The following GREB1L variants were observed in gnomAD, a reference collection of about 807,000 sequenced individuals.
The protein encoded by GREB1L is GREB1 like retinoic acid receptor coactivator.
A neutral mutation model predicts 200.8 loss-of-function variants in GREB1L; 17 were observed. That is an observed-to-expected ratio of 0.08 (90% confidence interval 0.06 to 0.13). The LOEUF is 0.13. Among genes scored for constraint, GREB1L ranks in the 10% least tolerant of loss-of-function variants. The pLI is 1.00. For missense variants in GREB1L, 1,657 were observed against 2,367.7 expected (o/e 0.70, Z 6.23); for synonymous variants, 789 against 893.0 (o/e 0.88, Z 2.08).
At chr18:21,265,774 C>T (rs1233465849) in intron 1 of GREB1L, among the ~76,000 whole-genome samples, 2 of 151,812 alleles carry the variant, frequency 1.3e-5, no homozygotes, top group Non-Finnish European at 2.9e-5. Context: ...TTTTTATGGG[C>T]TTATCAAACA....
At chr18:21,343,730 ATTTTT>A (rs36120644) in intron 1 of GREB1L, among the ~76,000 whole-genome samples, 1 of 114,950 alleles carries the variant, frequency 8.7e-6, no homozygotes, top group African/African-American at 3.4e-5. Flanking sequence ...GAGAAGAGAG[ATTTTT>A]TTTTTTTTTT....
chr18:21,406,164 G>A (rs933060706), intron 7 of GREB1L, among the ~76,000 whole-genome samples: 1 of 151,950 alleles, frequency 6.6e-6, no homozygotes, highest in African/African-American at 2.4e-5. Context: ...ATATTAAAAT[G>A]TTAATAAGAA....
At chr18:21,271,016 C>T (rs1210548646) in intron 1 of GREB1L, among the ~76,000 whole-genome samples, 1 of 152,162 alleles carries the variant, frequency 6.6e-6, no homozygotes, top group Non-Finnish European at 1.5e-5. Flanking sequence ...GATTTGAATC[C>T]AGGCAGCCTG....
rs754826312 is a variant in GREB1L, at chr18:21,384,299, A to G, written c.251A>G (p.Asn84Ser). 5 of 1,551,284 alleles carry G rather than the reference A, an allele frequency of 3.2e-6. No individual in the cohort carries two copies. Among genetic ancestry groups the G allele is most frequent in the Middle Eastern group, 1.7e-4 (1 of 5,990 alleles). Reference sequence around the variant, plus strand: ...GATTTTTCTAACAATCTAACAGTTAATGAAATGGAAGATGATGAAGACGAT... The same window carrying G: ...GATTTTTCTAACAATCTAACAGTTAGTGAAATGGAAGATGATGAAGACGAT... ...SLDFSNNLTV[N>S]EMEDDEDDEE... Residue 84 changes from asparagine (N) to serine (S), a missense_variant, in exon 4 of 33, where the codon AAT becomes AGT. Physicochemically the swap from Asn to Ser is conservative, Grantham distance 46. This residue lies in a region of GREB1L where 121 missense variants were observed against 126.6 expected (regional missense o/e 0.96). Coordinates refer to ENST00000424526, the MANE Select transcript of GREB1L (RefSeq NM_001142966.3).
intron 1 of GREB1L, among the ~76,000 whole-genome samples, chr18:21,242,861 A>T (rs1332505862): frequency 1.3e-5 from 2 of 152,032 alleles, no homozygotes; most frequent in Non-Finnish European, 1.5e-5. Flanking sequence ...GGTGCCGGGC[A>T]GGCGGGCGGG....
At chr18:21,284,574 A>G (rs2038323318) in intron 1 of GREB1L, among the ~76,000 whole-genome samples, 1 of 152,190 alleles carries the variant, frequency 6.6e-6, no homozygotes, top group African/African-American at 2.4e-5. Flanking sequence ...ATCAGTTGAT[A>G]GACATTTGGG....
In GREB1L at chr18:21,473,190, A is replaced by G. The variant is rs1218909911; in HGVS notation, c.2342A>G (p.Asn781Ser). The G allele has an allele frequency of 5.2e-6, 8 of 1,535,210 alleles. No homozygotes were observed. Among genetic ancestry groups the G allele is most frequent in the Non-Finnish European group, 7.0e-6 (8 of 1,138,430 alleles). Reference sequence around the variant, plus strand: ...ACACTGTTTGTGCTAGTTCATGACAACTCCCATGTGGAACTAACGAGGTGA... The same window carrying G: ...ACACTGTTTGTGCTAGTTCATGACAGCTCCCATGTGGAACTAACGAGGTGA... ...PYTLFVLVHD[N>S]SHVELTSVIS... Residue 781 changes from asparagine to serine, a missense_variant, in exon 16 of 33, where the codon AAC (asparagine) becomes AGC (serine). Transcript: ENST00000424526.
chr18:21,491,505 C>G (rs994079973), intron 19 of GREB1L, among the ~76,000 whole-genome samples: 1 of 151,782 alleles, frequency 6.6e-6, no homozygotes, highest in Admixed American at 6.6e-5. Flanking sequence ...GTCAGGAGAT[C>G]AAGACCATCC....
intron 2 of GREB1L, among the ~76,000 whole-genome samples, chr18:21,376,480 C>G (rs2040077038): frequency 6.7e-6 from 1 of 149,584 alleles, no homozygotes; most frequent in African/African-American, 2.4e-5. Flanking sequence ...AATCTCACGT[C>G]ACTTCTGTAG....
At chr18:21,521,513 G>A (rs2037597836) in intron 32 of GREB1L, among the ~76,000 whole-genome samples, 1 of 152,152 alleles carries the variant, frequency 6.6e-6, no homozygotes, top group African/African-American at 2.4e-5. Flanking sequence ...GAGGGGTTGT[G>A]CGGGGACTGT....
At position 21,499,964 on chromosome 18, in the gene GREB1L, G is replaced by C. The variant is rs2036710281; in HGVS notation, c.3627G>C (p.Arg1209Ser). The change falls in exon 22 of 33, where the codon AGG becomes AGC. Residue 1209 changes from arginine to serine, a missense_variant. Physicochemically the swap from Arg to Ser is moderately radical, Grantham distance 110. This residue lies in a region of GREB1L where 512 missense variants were observed against 668.3 expected (regional missense o/e 0.77). Transcript: ENST00000424526. ...CGTCATCATCATCCTCAGGACCCAGGACCCTCCCATGGCCGGGACAGCCCA... is the reference window on the plus strand; with the variant it reads ...CGTCATCATCATCCTCAGGACCCAGCACCCTCCCATGGCCGGGACAGCCCA... The part of the protein sequence containing the change: ...SKPSSSSSGP[R>S]TLPWPGQPIR... 3 of 1,551,440 alleles carry C rather than the reference G, an allele frequency of 1.9e-6. No homozygotes were observed. The highest frequency in any genetic ancestry group is 2.4e-5 in the South Asian group (2 of 84,050).
At chr18:21,381,995 C>A (rs950623923) in intron 2 of GREB1L, among the ~76,000 whole-genome samples, 4 of 152,134 alleles carry the variant, frequency 2.6e-5, no homozygotes, top group African/African-American at 9.7e-5. Context: ...GCTGAACCAG[C>A]TCCTACAAGC....
At position 21,496,569 on chromosome 18, in the gene GREB1L, C is replaced by A; in HGVS notation, c.3262C>A (p.Pro1088Thr). ...TGTCTCAAAAGAGGTCATCCGGGGA[C>A]CCACTGTTGCCCTGGACCTCAGCGG... ...CYVSKEVIRGPTVALDLSGKE... is the reference protein window; with the variant it reads ...CYVSKEVIRGTTVALDLSGKE... Residue 1088 changes from proline to threonine, a missense_variant, in exon 21 of 33, where the codon CCC becomes ACC. Physicochemically the swap from Pro to Thr is conservative, Grantham distance 38 (BLOSUM62 -1). Around this residue, in one of 9 missense-constraint regions of GREB1L, gnomAD observed 512 missense variants for 668.3 expected, o/e 0.77. Coordinates refer to ENST00000424526, the MANE Select transcript of GREB1L (RefSeq NM_001142966.3). 1 of 1,551,666 alleles carries A rather than the reference C, an allele frequency of 6.4e-7. No individual in the cohort carries two copies. The highest frequency in any genetic ancestry group is 8.7e-7 in the Non-Finnish European group (1 of 1,146,986).
chr18:21,412,794 T>G (rs1210199643), intron 7 of GREB1L, among the ~76,000 whole-genome samples: 1 of 152,134 alleles, frequency 6.6e-6, no homozygotes, highest in South Asian at 2.1e-4. Context: ...TTGTGCACTC[T>G]TCTGTATTAT....
intron 1 of GREB1L, among the ~76,000 whole-genome samples, chr18:21,323,648 T>G (rs1295473706): frequency 1.3e-5 from 2 of 152,154 alleles, no homozygotes; most frequent in Non-Finnish European, 2.9e-5. Context: ...GGGAGGATCT[T>G]TTTGAGAGGC....
chr18:21,291,915 A>C (rs188078322), intron 1 of GREB1L, among the ~76,000 whole-genome samples: 5 of 152,302 alleles, frequency 3.3e-5, no homozygotes, highest in African/African-American at 1.2e-4. Context: ...TACATAGTTT[A>C]CTCTGAATAT....
intron 5 of GREB1L, among the ~76,000 whole-genome samples, chr18:21,400,271 G>C (rs1414818937): frequency 6.6e-6 from 1 of 151,348 alleles, no homozygotes; most frequent in Non-Finnish European, 1.5e-5. Context: ...TTTTTTCCAT[G>C]TCCCCTGTTC....
At position 21,278,960 on chromosome 18, in the gene GREB1L, G is replaced by A. The variant is rs1186931957; in HGVS notation, c.-120+36567G>A. Among the ~76,000 whole-genome samples, 3 of 152,064 alleles carry A rather than the reference G, an allele frequency of 2.0e-5. No individual in the cohort carries two copies. In the East Asian group the frequency reaches 5.8e-4, roughly 29 times the overall value. ...ATCTGAACACATGTCCTATGAAGTA[G>A]TGTTATTTACAGCTAACTCCATGTT... On this transcript the variant is annotated intron_variant, in intron 1 of 32. Coordinates refer to ENST00000424526, the MANE Select transcript of GREB1L (RefSeq NM_001142966.3).
intron 1 of GREB1L, among the ~76,000 whole-genome samples, chr18:21,326,846 CCCT>C (rs1193967958): frequency 1.3e-5 from 2 of 152,128 alleles, no homozygotes; most frequent in African/African-American, 4.8e-5. Flanking sequence ...GCCTGTTGTT[CCCT>C]CCTCCTTTTT....
Sources: gnomAD v4.1 joint callset for allele counts (sites outside exome capture counted in the v4.1 genomes callset) on GRCh38, gnomAD v4.1.1 for gene constraint, gnomAD v4.1.1 regional missense constraint, MANE v1.5 for transcripts, NCBI Gene and HGNC (gene_info 2026-07-23, HGNC 2026-07-21) for gene names.